The following DSCAML1 variants were observed in gnomAD, a reference collection of about 807,000 sequenced individuals.
The protein encoded by DSCAML1 is cell adhesion molecule DSCAML1.
Under a neutral mutation model 200.5 loss-of-function variants are expected in DSCAML1, and 38 were observed. The ratio of observed to expected loss-of-function variants is 0.19; its 90% CI spans 0.15 to 0.25. The LOEUF (loss-of-function observed/expected upper bound fraction) is 0.25. Ranked by LOEUF, DSCAML1 falls within the 10% of genes least tolerant of loss-of-function variation. DSCAML1 has a pLI of 1.00. For missense variants in DSCAML1, 2,223 were observed against 2,858.8 expected (o/e 0.78, Z 5.07); for synonymous variants, 1,215 against 1,165.0 (o/e 1.04, Z -0.87).
At chr11:117,448,056 G>T (rs925805307) in intron 20 of DSCAML1, among the ~76,000 whole-genome samples, 1 of 152,166 alleles carries the variant, frequency 6.6e-6, no homozygotes, top group African/African-American at 2.4e-5. Context: ...ACTGTCTGAT[G>T]GCAAATCGCA....
intron 3 of DSCAML1, among the ~76,000 whole-genome samples, chr11:117,643,478 C>A (rs1344907331): frequency 6.6e-6 from 1 of 152,208 alleles, no homozygotes; most frequent in Non-Finnish European, 1.5e-5. Context: ...AAGAATTCTG[C>A]AAATGTACCT....
intron 11 of DSCAML1, among the ~76,000 whole-genome samples, chr11:117,492,217 C>T (rs1475503773): frequency 6.6e-6 from 1 of 152,112 alleles, no homozygotes; most frequent in East Asian, 1.9e-4. Context: ...TCTGGCAGGA[C>T]AACCCCAGAG....
At chr11:117,614,783 G>A (rs1367745714) in intron 3 of DSCAML1, among the ~76,000 whole-genome samples, 1 of 152,212 alleles carries the variant, frequency 6.6e-6, no homozygotes, top group Non-Finnish European at 1.5e-5. Context: ...GTCTTGACAT[G>A]TAGGGAAGTT....
intron 3 of DSCAML1, among the ~76,000 whole-genome samples, chr11:117,759,148 G>A (rs974839737): frequency 6.6e-6 from 1 of 152,100 alleles, no homozygotes; most frequent in African/African-American, 2.4e-5. Flanking sequence ...CTTGAGACCC[G>A]GGTCCCCGGT....
intron 3 of DSCAML1, among the ~76,000 whole-genome samples, chr11:117,582,402 G>T (rs1160454837): frequency 6.6e-6 from 1 of 152,216 alleles, no homozygotes; most frequent in Non-Finnish European, 1.5e-5. Context: ...CAAGGATCTT[G>T]GCTGGTTGAG....
At chr11:117,669,800 G>A (rs1186853650) in intron 3 of DSCAML1, among the ~76,000 whole-genome samples, 2 of 152,240 alleles carry the variant, frequency 1.3e-5, no homozygotes, top group Non-Finnish European at 2.9e-5. Context: ...AAAGGCCCTG[G>A]GGCAGGGGCG....
rs1348671917 is a variant in DSCAML1 at position 117,524,844 on chromosome 11, A to G, written c.898T>C (p.Phe300Leu). Residue 300 changes from phenylalanine (F) to leucine (L), a missense_variant, in exon 5 of 33, where the codon TTC becomes CTC. Phe to Leu is a conservative substitution (Grantham distance 22, BLOSUM62 0). Around this residue, in one of 7 missense-constraint regions of DSCAML1, gnomAD observed 579 missense variants for 721.5 expected, o/e 0.80. Transcript: ENST00000651296. Reference protein sequence around the residue: ...GTYICEVTNTFGSAEATGILM... With the variant: ...GTYICEVTNTLGSAEATGILM... ...ATGCCTGTGGCCTCTGCCGAACCGA[A>G]GGTGTTGGTGACCTCACAAATGTAG... 1.9e-6 allele frequency: 3 copies of G among 1,596,606 alleles called. No individual in the cohort carries two copies. The South Asian group carries it at 3.4e-5, about 18-fold the overall frequency.
chr11:117,759,477 G>A (rs990283852), intron 3 of DSCAML1, among the ~76,000 whole-genome samples: 4 of 152,200 alleles, frequency 2.6e-5, no homozygotes, highest in Admixed American at 2.6e-4. Context: ...GGGCTGGAAG[G>A]CAAGCAGGGG....
intron 8 of DSCAML1, among the ~76,000 whole-genome samples, chr11:117,514,058 T>C (rs747802509): frequency 6.6e-6 from 1 of 152,222 alleles, no homozygotes; most frequent in Non-Finnish European, 1.5e-5. Flanking sequence ...ATGTCCCTCT[T>C]GCTGCCGATA....
At chr11:117,539,713 G>A (rs2509005) in intron 3 of DSCAML1, among the ~76,000 whole-genome samples, 81,497 of 151,078 alleles carry the variant, frequency 0.54, 22,440 homozygotes, top group African/African-American at 0.64. Context: ...ATTAAGTAGT[G>A]TGATGGTTCC....
At chr11:117,441,802 G>T (rs1247083414) in intron 21 of DSCAML1, among the ~76,000 whole-genome samples, 1 of 152,120 alleles carries the variant, frequency 6.6e-6, no homozygotes, top group Non-Finnish European at 1.5e-5. Flanking sequence ...TGGAGCAGTG[G>T]GGGCACCAGA....
intron 3 of DSCAML1, among the ~76,000 whole-genome samples, chr11:117,640,019 G>A (rs1472264417): frequency 6.6e-6 from 1 of 152,156 alleles, no homozygotes; most frequent in Non-Finnish European, 1.5e-5. Flanking sequence ...TGGGTGGGTG[G>A]GCTCGTGGAA....
intron 3 of DSCAML1, among the ~76,000 whole-genome samples, chr11:117,767,043 G>C (rs2054910805): frequency 6.6e-6 from 1 of 152,144 alleles, no homozygotes; most frequent in African/African-American, 2.4e-5. Flanking sequence ...TTCCTTGTCT[G>C]TTAAACCTGT....
chr11:117,541,533 C>A (rs370121273), intron 3 of DSCAML1, among the ~76,000 whole-genome samples: 8 of 152,214 alleles, frequency 5.3e-5, no homozygotes, highest in African/African-American at 1.9e-4. Flanking sequence ...GGTTGTCTCT[C>A]CCCCTCTAGC....
chr11:117,473,159 A>T (rs939757384), intron 14 of DSCAML1, among the ~76,000 whole-genome samples: 1 of 152,122 alleles, frequency 6.6e-6, no homozygotes, highest in Non-Finnish European at 1.5e-5. Context: ...AAAGGAGGCT[A>T]GCACATTCTA....
chr11:117,530,202 A>C (rs1367261544), intron 4 of DSCAML1, among the ~76,000 whole-genome samples: 2 of 152,052 alleles, frequency 1.3e-5, no homozygotes, highest in African/African-American at 4.8e-5. Context: ...GGAGGGGAAG[A>C]AGGGCTGGCA....
At chr11:117,799,886 A>T (rs1440156489), upstream of DSCAML1, among the ~76,000 whole-genome samples, 1 of 152,206 alleles carries the variant, frequency 6.6e-6, no homozygotes, top group Admixed American at 6.5e-5. Context: ...GCTCACAAGG[A>T]CCTTGACCTG....
At chr11:117,709,439 G>A (rs1224722584) in intron 3 of DSCAML1, among the ~76,000 whole-genome samples, 1 of 152,124 alleles carries the variant, frequency 6.6e-6, no homozygotes, top group Non-Finnish European at 1.5e-5. Context: ...TCGGATTAGG[G>A]CCCCACACTT....
chr11:117,698,059 T>C (rs1033993891), intron 3 of DSCAML1, among the ~76,000 whole-genome samples: 1 of 152,218 alleles, frequency 6.6e-6, no homozygotes, highest in Non-Finnish European at 1.5e-5. Flanking sequence ...CGTGAGCCAC[T>C]GCACCCAGCC....
Sources: allele counts gnomAD v4.1 joint callset (sites outside exome capture counted in the v4.1 genomes callset), GRCh38; gene constraint gnomAD v4.1.1; regional missense constraint gnomAD v4.1.1; transcripts MANE v1.5; gene names NCBI Gene and HGNC (gene_info 2026-07-23, HGNC 2026-07-21).